CLASP1: variants seen among roughly 807,000 people sequenced by gnomAD.
CLASP1 encodes the protein cytoplasmic linker associated protein 1, also known as CLIP-associating protein 1.
CLASP1 carries 38 observed loss-of-function variants against 192.3 expected under a neutral mutation model. The observed-to-expected ratio is 0.20, with a 90% CI of 0.15 to 0.26. CLASP1 has a LOEUF of 0.26. CLASP1 is among the 10% of genes least tolerant of loss of function. The probability of loss-of-function intolerance (pLI) is 1.00; values close to 1 mark genes in which losing one functional copy is unlikely to be tolerated. For synonymous variants in CLASP1, 691 were observed against 712.8 expected, an observed-to-expected ratio of 0.97 and a Z score of 0.49; for missense variants, 1,433 against 1,932.5, an observed-to-expected ratio of 0.74 and a Z score of 4.85.
intron 2 of CLASP1, among the ~76,000 whole-genome samples, chr2:121,582,369 C>A (rs2061286308): frequency 8.1e-6 from 1 of 124,102 alleles, no homozygotes. Context: ...GAAAGAAAGA[C>A]AAAGACAGAA....
intron 2 of CLASP1, among the ~76,000 whole-genome samples, chr2:121,548,553 T>C (rs893396063): frequency 1.3e-5 from 2 of 151,978 alleles, no homozygotes; most frequent in African/African-American, 4.8e-5. Flanking sequence ...ATTCAGGAAA[T>C]ACAGAGAACT....
At chr2:121,479,857 G>C (rs1039258415) in intron 8 of CLASP1, among the ~76,000 whole-genome samples, 8 of 152,150 alleles carry the variant, frequency 5.3e-5, no homozygotes, top group Non-Finnish European at 1.2e-4. Context: ...AGAACACAGG[G>C]AATATAAAAA....
chr2:121,634,201 T>C (rs1281174904), intron 1 of CLASP1, among the ~76,000 whole-genome samples: 1 of 152,202 alleles, frequency 6.6e-6, no homozygotes, highest in East Asian at 1.9e-4. Flanking sequence ...CCTTCCTTCT[T>C]AGGCATGGAG....
intron 2 of CLASP1, among the ~76,000 whole-genome samples, chr2:121,558,517 G>A (rs930881206): frequency 5.9e-5 from 9 of 152,136 alleles, no homozygotes; most frequent in Non-Finnish European, 7.3e-5. Flanking sequence ...GGGTTATCAC[G>A]GGAGTGGAAC....
At chr2:121,418,592 G>C in intron 23 of CLASP1, 30 bp downstream of exon 23, 1 of 1,493,376 alleles carries the variant, frequency 6.7e-7, no homozygotes, top group Non-Finnish European at 9.3e-7. Context: ...GGAACTCTTT[G>C]CTCCTCAGCC....
At chr2:121,375,510 T>C (rs998885331) in intron 34 of CLASP1, among the ~76,000 whole-genome samples, 1 of 151,816 alleles carries the variant, frequency 6.6e-6, no homozygotes, top group Non-Finnish European at 1.5e-5. Flanking sequence ...ACTACAGGTG[T>C]GCACCACCAA....
At chr2:121,351,618 A>G (rs2064429442) in intron 37 of CLASP1, among the ~76,000 whole-genome samples, 1 of 152,128 alleles carries the variant, frequency 6.6e-6, no homozygotes, top group Non-Finnish European at 1.5e-5. Flanking sequence ...AAAGGCTAGG[A>G]GTTTCATGAA....
chr2:121,560,948 C>G (rs935416995), intron 2 of CLASP1, among the ~76,000 whole-genome samples: 4 of 152,106 alleles, frequency 2.6e-5, no homozygotes, highest in African/African-American at 9.7e-5. Context: ...GAGACGGAGC[C>G]CAGGCTGGAG....
intron 23 of CLASP1, among the ~76,000 whole-genome samples, chr2:121,416,375 A>G (rs1370119305): frequency 2.0e-5 from 3 of 152,264 alleles, no homozygotes; most frequent in Non-Finnish European, 4.4e-5. Context: ...GCAAACTTAA[A>G]AATATATATT....
intron 1 of CLASP1, among the ~76,000 whole-genome samples, chr2:121,620,464 C>A (rs2067149935): frequency 6.6e-6 from 1 of 151,934 alleles, no homozygotes; most frequent in Non-Finnish European, 1.5e-5. Flanking sequence ...ATTCTCCCAC[C>A]TTAGCATTCC....
intron 6 of CLASP1, among the ~76,000 whole-genome samples, chr2:121,524,158 A>C (rs1048810447): frequency 1.8e-4 from 27 of 152,208 alleles, no homozygotes; most frequent in Admixed American, 1.2e-3. Flanking sequence ...CTGTCTGGCC[A>C]AAGTCAGCAA....
intron 17 of CLASP1, among the ~76,000 whole-genome samples, chr2:121,448,715 A>G (rs992643362): frequency 2.0e-5 from 3 of 152,194 alleles, no homozygotes; most frequent in African/African-American, 4.8e-5. Context: ...ATGTTATTCT[A>G]AAACTGTATT....
chr2:121,482,045 G>C (rs1352433712), intron 8 of CLASP1, among the ~76,000 whole-genome samples: 1 of 152,158 alleles, frequency 6.6e-6, no homozygotes, highest in Non-Finnish European at 1.5e-5. Flanking sequence ...CCAACCCTCG[G>C]ATGTGACCCG....
chr2:121,377,375 C>A, intron 34 of CLASP1, 124 bp downstream of exon 35: 1 of 707,050 alleles, frequency 1.4e-6, no homozygotes, highest in Non-Finnish European at 2.3e-6. Flanking sequence ...AAAAGGAAAA[C>A]ATTATTTTAA....
chr2:121,440,784 T>A, intron 19 of CLASP1, among the ~76,000 whole-genome samples: 1 of 146,666 alleles, frequency 6.8e-6, no homozygotes, highest in Non-Finnish European at 1.5e-5. Context: ...AGTAGATAGA[T>A]GTGAAGGGAG....
At chr2:121,649,099 G>T (rs916076603) in intron 1 of CLASP1, among the ~76,000 whole-genome samples, 1 of 152,276 alleles carries the variant, frequency 6.6e-6, no homozygotes, top group South Asian at 2.1e-4. Context: ...ACAGAGAGGG[G>T]CACACAAAGC....
rs564369993 is a variant in CLASP1, at chr2:121,401,695, T to C, written c.2737-23A>G. The C allele has an allele frequency of 2.2e-5, 35 of 1,592,040 alleles. No individual in the cohort carries two copies. The African/African-American group carries it at 4.6e-4, about 21-fold the overall frequency. ...AACCTAGACACAAATGAAAACCAAG[T>C]AGTTCACATATTGAATTCACGATCT... is the stretch of plus-strand genomic sequence containing the variant. On this transcript the variant is annotated intron_variant, in intron 27 of 39. Transcript: ENST00000263710.
At chr2:121,343,448 C>T (rs1349784861) in intron 39 of CLASP1, among the ~76,000 whole-genome samples, 2 of 152,106 alleles carry the variant, frequency 1.3e-5, no homozygotes, top group Non-Finnish European at 2.9e-5. Context: ...AGCAGATAAA[C>T]AAACCATGCA....
At chr2:121,477,147 C>G (rs1352393199) in intron 8 of CLASP1, among the ~76,000 whole-genome samples, 1 of 152,196 alleles carries the variant, frequency 6.6e-6, no homozygotes, top group Non-Finnish European at 1.5e-5. Context: ...GTAGGGACCA[C>G]TTTGTATTCT....
Sources: gnomAD v4.1 joint callset for allele counts (sites outside exome capture counted in the v4.1 genomes callset) on GRCh38, gnomAD v4.1.1 for gene constraint, MANE v1.5 for transcripts, NCBI Gene and HGNC (gene_info 2026-07-23, HGNC 2026-07-21) for gene names.